NBAS: variants seen among roughly 807,000 people sequenced by gnomAD.
NBAS encodes NBAS subunit of NRZ tethering complex, also known as NAG/BC035112 fusion.
Under a neutral mutation model 302.5 loss-of-function variants are expected in NBAS, and 219 were observed. The observed-to-expected ratio is 0.72, with a 90% confidence interval of 0.65 to 0.81. The LOEUF (loss-of-function observed/expected upper bound fraction) is 0.81, where lower values mean the gene tolerates loss of function less well. Among genes scored for constraint, NBAS ranks in the 30% least tolerant of loss-of-function variants. The pLI is 0.00. For missense variants in NBAS, 2,932 were observed against 2,841.6 expected, an observed-to-expected ratio of 1.03 and a Z score of -0.72; for synonymous variants, 1,118 against 1,021.6, an observed-to-expected ratio of 1.09 and a Z score of -1.80.
At chr2:14,997,458 T>G in the NBAS span, among the ~76,000 whole-genome samples, 2 of 151,896 alleles carry the variant, frequency 1.3e-5, no homozygotes, top group African/African-American at 2.4e-5. Context: ...TGCTTGTTTT[T>G]TTTTTTTTTT....
chr2:15,016,429 A>T, the NBAS span, among the ~76,000 whole-genome samples: 1 of 152,122 alleles, frequency 6.6e-6, no homozygotes, highest in Non-Finnish European at 1.5e-5. Flanking sequence ...GAAGTGGAAA[A>T]CTTCTGAAGG....
At chr2:15,005,734 C>A in the NBAS span, among the ~76,000 whole-genome samples, 1 of 152,228 alleles carries the variant, frequency 6.6e-6, no homozygotes, top group African/African-American at 2.4e-5. Flanking sequence ...CAAGCCTCAG[C>A]AAGAGTTGAG....
chr2:15,550,306 T>C (rs1246333908), intron 6 of NBAS, among the ~76,000 whole-genome samples: 1 of 152,230 alleles, frequency 6.6e-6, no homozygotes, highest in Non-Finnish European at 1.5e-5. Context: ...ATCCTAATAC[T>C]GTTTTAAGAT....
intron 38 of NBAS, among the ~76,000 whole-genome samples, chr2:15,325,410 G>A (rs565344487): frequency 4.6e-5 from 7 of 152,072 alleles, no homozygotes; most frequent in Non-Finnish European, 7.3e-5. Context: ...TCATCTGAGC[G>A]TTCAGTAAGT....
chr2:15,371,378 T>C (rs4668898), intron 31 of NBAS, among the ~76,000 whole-genome samples: 85,467 of 151,898 alleles, frequency 0.56, 25,830 homozygotes, highest in Non-Finnish European at 0.68. Flanking sequence ...TTTTGAGAAT[T>C]AGTGAATACA....
the NBAS span, among the ~76,000 whole-genome samples, chr2:14,805,114 C>T: frequency 6.6e-6 from 1 of 152,178 alleles, no homozygotes; most frequent in Non-Finnish European, 1.5e-5. Flanking sequence ...GCCACAGGAT[C>T]AGAAGCAGCT....
intron 9 of NBAS, among the ~76,000 whole-genome samples, chr2:15,526,264 A>T (rs1487498510): frequency 6.6e-6 from 1 of 152,208 alleles, no homozygotes; most frequent in African/African-American, 2.4e-5. Flanking sequence ...TATAAAAAAG[A>T]AAATAGTCAA....
chr2:14,803,483 C>A, the NBAS span, among the ~76,000 whole-genome samples: 1 of 152,284 alleles, frequency 6.6e-6, no homozygotes, highest in Admixed American at 6.5e-5. Context: ...TCCTGGGCTT[C>A]TCTCTGTACT....
chr2:15,043,918 C>G, the NBAS span, among the ~76,000 whole-genome samples: 1 of 152,134 alleles, frequency 6.6e-6, no homozygotes, highest in Non-Finnish European at 1.5e-5. Flanking sequence ...TGCCTGAAAA[C>G]TTGATGCATT....
At chr2:15,063,327 T>A in the NBAS span, among the ~76,000 whole-genome samples, 1 of 152,044 alleles carries the variant, frequency 6.6e-6, no homozygotes, top group Non-Finnish European at 1.5e-5. Context: ...GTTCATTGGC[T>A]CATCCCAGGA....
the NBAS span, among the ~76,000 whole-genome samples, chr2:15,126,799 T>C: frequency 4.0e-4 from 61 of 152,306 alleles, no homozygotes; most frequent in African/African-American, 1.3e-3. Flanking sequence ...TCTTACTAGA[T>C]ATCATACACT....
At chr2:15,033,878 G>T in the NBAS span, among the ~76,000 whole-genome samples, 3 of 151,678 alleles carry the variant, frequency 2.0e-5, no homozygotes, top group African/African-American at 7.3e-5. Flanking sequence ...AACCTAGGGG[G>T]CAGAGTTTGC....
intron 35 of NBAS, among the ~76,000 whole-genome samples, chr2:15,349,317 T>C (rs980597704): frequency 6.6e-6 from 1 of 152,158 alleles, no homozygotes; most frequent in Non-Finnish European, 1.5e-5. Flanking sequence ...TAGTGACCCA[T>C]TAGCTAGTAT....
the NBAS span, among the ~76,000 whole-genome samples, chr2:15,141,424 G>A: frequency 1.3e-5 from 2 of 152,294 alleles, no homozygotes; most frequent in East Asian, 3.9e-4. Context: ...GCAGATTCGT[G>A]GTCTTATCCA....
intron 42 of NBAS, among the ~76,000 whole-genome samples, chr2:15,283,507 T>G (rs1669912432): frequency 1.3e-5 from 2 of 152,128 alleles, no homozygotes; most frequent in African/African-American, 4.8e-5. Context: ...CACTTCTCCT[T>G]CCTGCCTCCC....
At chr2:15,440,592 A>G (rs1029673923) in intron 21 of NBAS, among the ~76,000 whole-genome samples, 3 of 152,236 alleles carry the variant, frequency 2.0e-5, no homozygotes, top group Non-Finnish European at 4.4e-5. Flanking sequence ...AACTCTCAAA[A>G]GCAGAGCAAC....
intron 35 of NBAS, among the ~76,000 whole-genome samples, chr2:15,336,834 A>T (rs1672607707): frequency 6.6e-6 from 1 of 152,218 alleles, no homozygotes; most frequent in Admixed American, 6.5e-5. Context: ...GAATCTTCTA[A>T]ATTGAGAGGA....
chr2:15,451,968 A>G (rs1679036681), intron 21 of NBAS, among the ~76,000 whole-genome samples: 1 of 152,046 alleles, frequency 6.6e-6, no homozygotes, highest in Non-Finnish European at 1.5e-5. Flanking sequence ...ATTTCACCAG[A>G]AGTATATCAT....
At chr2:15,153,783 C>T in the NBAS span, among the ~76,000 whole-genome samples, 1,108 of 152,264 alleles carry the variant, frequency 7.3e-3, 10 homozygotes, top group African/African-American at 0.023. Context: ...TAAATTTTGG[C>T]CTCTTTCTAT....
Sources: gnomAD v4.1 joint callset for allele counts (sites outside exome capture counted in the v4.1 genomes callset) on GRCh38, gnomAD v4.1.1 for gene constraint, MANE v1.5 for transcripts, NCBI Gene and HGNC (gene_info 2026-07-23, HGNC 2026-07-21) for gene names.